TSHZ2: variants seen among roughly 807,000 people sequenced by gnomAD.
The protein encoded by TSHZ2 is teashirt zinc finger homeobox 2.
In TSHZ2, 21 loss-of-function variants were observed where a neutral mutation model predicts 74.4. That is an observed-to-expected ratio of 0.28 (90% CI 0.20 to 0.41). The LOEUF (loss-of-function observed/expected upper bound fraction) is 0.41, where lower values mean the gene tolerates loss of function less well. Among genes scored for constraint, TSHZ2 ranks in the 10% least tolerant of loss-of-function variants. The pLI, the probability that TSHZ2 is intolerant of heterozygous loss-of-function variation, is 1.00. For missense variants in TSHZ2, 1,244 were observed against 1,293.5 expected, an observed-to-expected ratio of 0.96 and a Z score of 0.59; for synonymous variants, 540 against 515.3, an observed-to-expected ratio of 1.05 and a Z score of -0.65.
intron 1 of TSHZ2, among the ~76,000 whole-genome samples, chr20:53,203,191 AT>A (rs34078708): frequency 0.18 from 23,583 of 130,486 alleles, 1,863 homozygotes; most frequent in East Asian, 0.35. Context: ...GCAGACTCAA[AT>A]TTTTTTTTTT....
intron 1 of TSHZ2, among the ~76,000 whole-genome samples, chr20:53,163,352 CTCTG>C (rs1440858872): frequency 1.6e-5 from 2 of 122,174 alleles, no homozygotes; most frequent in African/African-American, 6.0e-5. Flanking sequence ...CACGCACGCT[CTCTG>C]TCTCTTTTTT....
At chr20:53,285,446 C>T (rs1991146700) in intron 2 of TSHZ2, among the ~76,000 whole-genome samples, 2 of 152,146 alleles carry the variant, frequency 1.3e-5, no homozygotes, top group African/African-American at 4.8e-5. Context: ...TGCGGTGGCT[C>T]ACGCTTGTAT....
Position 52,973,091 on chromosome 20 carries a change from C to T in TSHZ2, c.-203C>T. 1 of 563,270 alleles carries T rather than the reference C, an allele frequency of 1.8e-6. No individual in the cohort carries two copies. The highest frequency in any genetic ancestry group is 2.9e-5 in the South Asian group (1 of 35,030). The allele number at this position is 563,270 out of a possible 1,614,324, so 34.9% of individuals were successfully genotyped here. A position where few individuals can be genotyped will look rare whatever the true frequency, so the allele number is the denominator to read the frequency against. ...TTCAAAGCAGCCGGCACAAGCCACC[C>T]GTGTCTGCCACCCAGAGAGGGGGGT... On this transcript the variant is annotated 5_prime_UTR_variant, in exon 1 of 3. Transcript: ENST00000371497.
intron 2 of TSHZ2, among the ~76,000 whole-genome samples, chr20:53,463,991 C>A (rs756264173): frequency 6.6e-6 from 1 of 152,210 alleles, no homozygotes; most frequent in Non-Finnish European, 1.5e-5. Flanking sequence ...CCATCCAGTG[C>A]GTAAGCCTGA....
intron 1 of TSHZ2, among the ~76,000 whole-genome samples, chr20:53,023,543 TG>T (rs1163229710): frequency 2.0e-5 from 3 of 152,262 alleles, no homozygotes; most frequent in African/African-American, 7.2e-5. Context: ...TGGTGGAAGA[TG>T]TGACAGAGGC....
chr20:53,083,859 C>A (rs1985609504), intron 1 of TSHZ2, among the ~76,000 whole-genome samples: 1 of 151,922 alleles, frequency 6.6e-6, no homozygotes, highest in Non-Finnish European at 1.5e-5. Context: ...AAGTTTTCTT[C>A]CCTTTCTATG....
intron 1 of TSHZ2, among the ~76,000 whole-genome samples, chr20:53,064,289 C>T (rs1056053528): frequency 2.6e-5 from 4 of 152,128 alleles, no homozygotes; most frequent in Non-Finnish European, 5.9e-5. Context: ...ACACCTGCCG[C>T]CAGAACCCGG....
chr20:53,453,290 G>C (rs67072553), intron 2 of TSHZ2, among the ~76,000 whole-genome samples: 4,364 of 152,248 alleles, frequency 0.029, 112 homozygotes, highest in East Asian at 0.12. Flanking sequence ...CCTGTACAAT[G>C]AACAATTTAA....
chr20:53,106,906 C>T (rs970275467), intron 1 of TSHZ2, among the ~76,000 whole-genome samples: 2 of 151,066 alleles, frequency 1.3e-5, no homozygotes, highest in Non-Finnish European at 1.5e-5. Flanking sequence ...CCTTATTGGC[C>T]GGGGTGATCT....
intron 1 of TSHZ2, among the ~76,000 whole-genome samples, chr20:53,106,422 T>TTTTTG (rs1986371166): frequency 9.5e-6 from 1 of 104,996 alleles, no homozygotes; most frequent in Non-Finnish European, 1.8e-5. Flanking sequence ...TTTTTTTTTT[T>TTTTTG]GAGACGGAGT....
intron 2 of TSHZ2, among the ~76,000 whole-genome samples, chr20:53,428,374 T>C (rs1983727381): frequency 1.3e-5 from 2 of 152,202 alleles, no homozygotes; most frequent in African/African-American, 4.8e-5. Context: ...GTAGAAAACA[T>C]GGCACTAATT....
intron 1 of TSHZ2, among the ~76,000 whole-genome samples, chr20:53,146,584 A>AT (rs1312725710): frequency 1.3e-5 from 2 of 152,198 alleles, no homozygotes; most frequent in African/African-American, 4.8e-5. Flanking sequence ...TGTCTTTGGT[A>AT]TAGTTTTCGT....
chr20:53,182,113 T>TC (rs1284043722), intron 1 of TSHZ2, among the ~76,000 whole-genome samples: 1 of 151,194 alleles, frequency 6.6e-6, no homozygotes, highest in Non-Finnish European at 1.5e-5. Context: ...CTTCCTTCCT[T>TC]CCTCCCTTCT....
At chr20:53,283,847 T>G (rs190486829) in intron 2 of TSHZ2, among the ~76,000 whole-genome samples, 1 of 152,330 alleles carries the variant, frequency 6.6e-6, no homozygotes, top group African/African-American at 2.4e-5. Flanking sequence ...AGATTAACCC[T>G]ATTTTTATCC....
chr20:53,451,828 G>T (rs1463429567), intron 2 of TSHZ2, among the ~76,000 whole-genome samples: 1 of 152,112 alleles, frequency 6.6e-6, no homozygotes, highest in Non-Finnish European at 1.5e-5. Context: ...TTCCAATTTT[G>T]ATCACCACTT....
chr20:53,254,111 G>C lies in TSHZ2; in HGVS notation c.653G>C (p.Arg218Pro). The change falls in exon 2 of 3, where the codon CGA (arginine) becomes CCA (proline). Residue 218 changes from arginine (R) to proline (P), a missense_variant. Transcript: ENST00000371497. Reference protein sequence around the residue: ...VFTGASRFRCRQCSAAYDTLV... With the variant: ...VFTGASRFRCPQCSAAYDTLV... ...ACAGGGGCCAGCAGATTCCGATGCC[G>C]ACAGTGCAGCGCGGCCTATGACACC... 2 of 1,614,142 alleles carry C rather than the reference G, an allele frequency of 1.2e-6. No homozygotes were observed. Among genetic ancestry groups the C allele is most frequent in the Non-Finnish European group, 1.7e-6 (2 of 1,180,042 alleles).
At chr20:53,169,132 A>G (rs139780745) in intron 1 of TSHZ2, among the ~76,000 whole-genome samples, 2 of 152,318 alleles carry the variant, frequency 1.3e-5, no homozygotes, top group Non-Finnish European at 2.9e-5. Flanking sequence ...AGTGGGATGG[A>G]TAGGTATCTA....
At chr20:53,195,360 T>TTGTGCATAG (rs1198502038) in intron 1 of TSHZ2, among the ~76,000 whole-genome samples, 1 of 151,084 alleles carries the variant, frequency 6.6e-6, no homozygotes, top group African/African-American at 2.4e-5. Flanking sequence ...TGTTCCTGAA[T>TTGTGCATAG]TGTGCATAGC....
chr20:52,973,428 A>G, intron 1 of TSHZ2, 95 bp downstream of exon 1: 1 of 1,489,522 alleles, frequency 6.7e-7, no homozygotes, highest in East Asian at 2.5e-5. Flanking sequence ...CACCCACTTA[A>G]GCTTTCGGGG....
Sources: gnomAD v4.1 joint callset for allele counts (sites outside exome capture counted in the v4.1 genomes callset) on GRCh38, gnomAD v4.1.1 for gene constraint, MANE v1.5 for transcripts, NCBI Gene and HGNC (gene_info 2026-07-23, HGNC 2026-07-21) for gene names.